DDC: variants seen among roughly 807,000 people sequenced by gnomAD.
DDC encodes aromatic-L-amino-acid decarboxylase.
DDC carries 43 observed loss-of-function variants against 60.0 expected under a neutral mutation model. The ratio of observed to expected loss-of-function variants is 0.72; its 90% CI spans 0.56 to 0.92. The LOEUF is 0.92. Among genes scored for constraint, DDC ranks in the 40% least tolerant of loss-of-function variants. The pLI is 0.00. For synonymous variants in DDC, 232 were observed against 234.6 expected, an observed-to-expected ratio of 0.99 and a Z score of 0.10; for missense variants, 573 against 620.2, an observed-to-expected ratio of 0.92 and a Z score of 0.81.
chr7:50,462,226 C>CAA (rs11410259), intron 14 of DDC, among the ~76,000 whole-genome samples: 1,002 of 75,274 alleles, frequency 0.013, 14 homozygotes, highest in African/African-American at 0.023. Context: ...GACAAAAAGA[C>CAA]AAAAAAAAAA....
At chr7:50,525,114 A>G (rs1004377986) in intron 6 of DDC, among the ~76,000 whole-genome samples, 5 of 152,244 alleles carry the variant, frequency 3.3e-5, no homozygotes, top group Admixed American at 3.3e-4. Context: ...TTCCATTTAT[A>G]TAACATTCTC....
rs112093238 is a variant in DDC, at chr7:50,470,282, C to T, written c.1042-111G>A. 1,405 of 810,850 alleles carry T rather than the reference C, an allele frequency of 1.7e-3. 19 individuals carry two copies. The African/African-American group carries it at 0.022, about 13-fold the overall frequency. The allele number at this position is 810,850 out of a possible 1,614,324, so 50.2% of individuals were successfully genotyped here. On this transcript the variant is annotated intron_variant, in intron 11 of 14. Coordinates refer to ENST00000444124, the MANE Select transcript of DDC (RefSeq NM_001082971.2). The stretch of plus-strand genomic sequence containing the variant: ...TTGGAGGCAGCCGATTCCCTGGTGG[C>T]CAACCTGCTCCCATTGCCATGGCCT...
chr7:50,463,254 C>A lies in DDC; in HGVS notation c.1420G>T (p.Val474Leu). 1 of 1,613,710 alleles carries A rather than the reference C, an allele frequency of 6.2e-7. No individual in the cohort carries two copies. Among genetic ancestry groups the A allele is most frequent in the Non-Finnish European group, 8.5e-7 (1 of 1,179,826 alleles). ...WEHIKELAAD[V>L]LRAERE is the part of the protein sequence containing the mutation. ...TCCTACTCCCTCTCTGCTCGCAGCA[C>A]GTCGGCCGCCAGCTCTTTGATGTGT... Residue 474 changes from valine to leucine, a missense_variant, in exon 14 of 15, where the codon GTG (valine) becomes TTG (leucine). Coordinates refer to ENST00000444124, the MANE Select transcript of DDC (RefSeq NM_001082971.2).
intron 11 of DDC, among the ~76,000 whole-genome samples, chr7:50,470,500 G>A (rs985012373): frequency 1.3e-5 from 2 of 152,260 alleles, no homozygotes; most frequent in African/African-American, 4.8e-5. Context: ...TGAGCAAACA[G>A]GGAAGACACG....
chr7:50,534,108 G>C (rs1386450849), intron 4 of DDC, among the ~76,000 whole-genome samples: 3 of 152,216 alleles, frequency 2.0e-5, no homozygotes, highest in African/African-American at 7.2e-5. Flanking sequence ...CACGTGCAAG[G>C]ATGTTCCGAG....
chr7:50,486,598 G>A (rs1041732891), intron 9 of DDC, among the ~76,000 whole-genome samples: 2 of 152,100 alleles, frequency 1.3e-5, no homozygotes, highest in African/African-American at 4.8e-5. Flanking sequence ...ACCAAATTAT[G>A]TCCCCCTTCC....
chr7:50,558,043 GA>G (rs1245878538), intron 1 of DDC, among the ~76,000 whole-genome samples: 1 of 151,716 alleles, frequency 6.6e-6, no homozygotes, highest in East Asian at 1.9e-4. Context: ...TCATTTTATT[GA>G]AGAGTTATGT....
intron 9 of DDC, among the ~76,000 whole-genome samples, chr7:50,485,976 A>G (rs1036920485): frequency 6.6e-6 from 1 of 152,234 alleles, no homozygotes; most frequent in East Asian, 1.9e-4. Flanking sequence ...TACTTGCTGT[A>G]CTTGTAATGA....
intron 11 of DDC, among the ~76,000 whole-genome samples, chr7:50,471,563 C>A (rs923249645): frequency 3.9e-5 from 6 of 152,082 alleles, no homozygotes; most frequent in African/African-American, 1.4e-4. Context: ...AGTTGCACAC[C>A]AGGCCCTGCC....
intron 9 of DDC, chr7:50,492,978 C>A: frequency 6.3e-7 from 1 of 1,598,330 alleles, no homozygotes; most frequent in Middle Eastern, 1.7e-4. Flanking sequence ...TTTTCTTCAG[C>A]CTTAACATAC....
rs570391946 is a variant in DDC, at chr7:50,516,484, A to G, written c.714+11653T>C. ...ACCTCATTGAAAAGACTGAAAGAGC[A>G]CAAACTGACATTCTAAGGACACACC... On this transcript the variant is annotated intron_variant, in intron 6 of 14. Coordinates refer to ENST00000444124, the MANE Select transcript of DDC (RefSeq NM_001082971.2). Among the ~76,000 whole-genome samples the G allele has an allele frequency of 6.6e-5, 10 of 152,248 alleles. No homozygotes were observed. In the South Asian group the frequency reaches 1.9e-3, roughly 28 times the overall value.
At chr7:50,512,447 C>A (rs2043606157) in intron 6 of DDC, among the ~76,000 whole-genome samples, 1 of 152,182 alleles carries the variant, frequency 6.6e-6, no homozygotes, top group Non-Finnish European at 1.5e-5. Flanking sequence ...TGAAGGCTTG[C>A]AACTTCAATA....
chr7:50,524,209 G>T (rs56119509), intron 6 of DDC, among the ~76,000 whole-genome samples: 1 of 152,090 alleles, frequency 6.6e-6, no homozygotes, highest in African/African-American at 2.4e-5. Flanking sequence ...TTATGGCAGT[G>T]AAACTATTCT....
In DDC at chr7:50,476,650, A is replaced by AAAAGAG; in HGVS notation, c.1022-13_1022-8dup. On this transcript the variant is annotated splice_polypyrimidine_tract_variant and splice_region_variant and intron_variant, in intron 10 of 14. Transcript: ENST00000444124. ...CGGTAGTCAGTGATAAGCCCTGGAG[A>AAAAGAG]AAAGAGAAAGAAAAAGAAAAAAGAA... is the stretch of plus-strand genomic sequence containing the variant. The AAAAGAG allele has an allele frequency of 6.2e-7, 1 of 1,611,240 alleles. No homozygotes were observed. The highest frequency in any genetic ancestry group is 2.2e-5 in the East Asian group (1 of 44,882).
At chr7:50,472,288 T>C (rs1031893249) in intron 11 of DDC, among the ~76,000 whole-genome samples, 5 of 152,172 alleles carry the variant, frequency 3.3e-5, no homozygotes, top group Admixed American at 2.0e-4. Context: ...TGGAAGATTG[T>C]TGATGGACGT....
At chr7:50,555,499 C>T (rs987904859) in intron 1 of DDC, among the ~76,000 whole-genome samples, 2 of 152,134 alleles carry the variant, frequency 1.3e-5, no homozygotes, top group South Asian at 2.1e-4. Context: ...GCCAAAGTGT[C>T]TCTACTTATA....
At chr7:50,563,713 T>A (rs1364799484) in intron 1 of DDC, among the ~76,000 whole-genome samples, 4 of 152,188 alleles carry the variant, frequency 2.6e-5, no homozygotes, top group African/African-American at 4.8e-5. Flanking sequence ...GTGATTATCC[T>A]GCCTCAGCCT....
chr7:50,553,722 T>C (rs1427530989), intron 1 of DDC, among the ~76,000 whole-genome samples: 1 of 151,996 alleles, frequency 6.6e-6, no homozygotes, highest in Non-Finnish European at 1.5e-5. Flanking sequence ...CCTGACCTCA[T>C]GATCTGCCTG....
At chr7:50,497,087 C>T (rs2043142751) in intron 8 of DDC, among the ~76,000 whole-genome samples, 1 of 152,214 alleles carries the variant, frequency 6.6e-6, no homozygotes, top group South Asian at 2.1e-4. Flanking sequence ...AAACTTCTCT[C>T]ATTACCCAGC....
Sources: allele counts gnomAD v4.1 joint callset (sites outside exome capture counted in the v4.1 genomes callset), GRCh38; gene constraint gnomAD v4.1.1; transcripts MANE v1.5; gene names NCBI Gene and HGNC (gene_info 2026-07-23, HGNC 2026-07-21).